The following MYO18A variants were observed in gnomAD, a reference collection of about 807,000 sequenced individuals.
MYO18A encodes myosin XVIIIA.
A neutral mutation model predicts 235.8 loss-of-function variants in MYO18A; 78 were observed. The observed-to-expected ratio is 0.33, with a 90% confidence interval of 0.28 to 0.40. The LOEUF is 0.40. Ranked by LOEUF, MYO18A falls within the 10% of genes least tolerant of loss-of-function variation. The pLI, the probability that MYO18A is intolerant of heterozygous loss-of-function variation, is 1.00. For missense variants in MYO18A, 2,215 were observed against 2,699.3 expected (o/e 0.82, Z 3.98); for synonymous variants, 977 against 1,077.8 (o/e 0.91, Z 1.83).
intron 2 of MYO18A, among the ~76,000 whole-genome samples, chr17:29,147,662 A>G (rs1018932204): frequency 1.3e-5 from 2 of 151,762 alleles, no homozygotes; most frequent in African/African-American, 4.8e-5. Flanking sequence ...AAAACTTTGG[A>G]AGGCAGAGGC....
At chr17:29,143,267 C>CT (rs1042019712) in intron 2 of MYO18A, among the ~76,000 whole-genome samples, 4 of 152,168 alleles carry the variant, frequency 2.6e-5, no homozygotes, top group African/African-American at 9.7e-5. Context: ...AACAAAAGCT[C>CT]TTTTGCCCAG....
chr17:29,120,828 C>G lies in MYO18A; in HGVS notation c.1586-70G>C. Reference sequence around the variant, plus strand: ...GCTTATCCCCCAGCTAGGAGCTACCCCAGAGGTATGAAGGCTTGGGGCCAT... The same window carrying G: ...GCTTATCCCCCAGCTAGGAGCTACCGCAGAGGTATGAAGGCTTGGGGCCAT... On this transcript the variant is annotated intron_variant, in intron 6 of 41. Transcript: ENST00000527372. The surrounding 1 kb of genome is among the most constrained non-coding windows in gnomAD (Gnocchi z 4.2). The G allele has an allele frequency of 6.3e-7, 1 of 1,580,432 alleles. No individual in the cohort carries two copies. Among genetic ancestry groups the G allele is most frequent in the Non-Finnish European group, 8.6e-7 (1 of 1,161,966 alleles).
At chr17:29,081,475 T>TGG (rs1193721682) in intron 41 of MYO18A, among the ~76,000 whole-genome samples, 1 of 151,552 alleles carries the variant, frequency 6.6e-6, no homozygotes, top group African/African-American at 2.4e-5. Flanking sequence ...GAAGGGGCCT[T>TGG]GGGGGAGCTG....
intron 2 of MYO18A, among the ~76,000 whole-genome samples, chr17:29,161,574 T>A (rs1188688043): frequency 6.6e-6 from 1 of 151,858 alleles, no homozygotes; most frequent in African/African-American, 2.4e-5. Context: ...TGGCTCTCCA[T>A]GGCAGGACAA....
chr17:29,088,370 G>A (rs1455265021), intron 37 of MYO18A, among the ~76,000 whole-genome samples: 3 of 152,132 alleles, frequency 2.0e-5, no homozygotes, highest in Admixed American at 1.3e-4. Context: ...AAGTTCTTAA[G>A]TTTCCCCTAA....
chr17:29,133,406 T>C (rs72817628), intron 2 of MYO18A, among the ~76,000 whole-genome samples: 3,971 of 152,286 alleles, frequency 0.026, 68 homozygotes, highest in Non-Finnish European at 0.033. Context: ...TGGCCCCTTG[T>C]CCTCCTAACC....
intron 1 of MYO18A, among the ~76,000 whole-genome samples, chr17:29,177,058 T>C (rs931971748): frequency 3.9e-5 from 6 of 152,316 alleles, no homozygotes; most frequent in African/African-American, 1.4e-4. Context: ...AACATCCCCT[T>C]CCGTGTGACC....
intron 40 of MYO18A, among the ~76,000 whole-genome samples, chr17:29,083,532 G>GCGCA (rs796363036): frequency 6.8e-4 from 99 of 144,746 alleles, no homozygotes; most frequent in African/African-American, 1.3e-3. Context: ...GCGCGCGCGC[G>GCGCA]CACACACACA....
rs1040957963 is a variant in MYO18A, at chr17:29,140,739, C to T, written c.1000-18486G>A. Among the ~76,000 whole-genome samples the T allele has an allele frequency of 6.6e-6, 1 of 151,928 alleles. No individual in the cohort carries two copies. Among genetic ancestry groups the T allele is most frequent in the Non-Finnish European group, 1.5e-5 (1 of 67,966 alleles). ...TAGCAGAGGAATTTGAGACCTGCAG[C>T]CCCCGGCCCCACAGGCCAAGCTTGA... On this transcript the variant is annotated intron_variant, in intron 2 of 41. Transcript: ENST00000527372. The surrounding 1 kb of genome is among the most constrained non-coding windows in gnomAD (Gnocchi z 4.2).
chr17:29,145,090 A>G (rs1052751937), intron 2 of MYO18A, among the ~76,000 whole-genome samples: 4 of 152,250 alleles, frequency 2.6e-5, no homozygotes, highest in Admixed American at 6.5e-5. Context: ...TGCCATGACT[A>G]TACAGCATAA....
intron 2 of MYO18A, among the ~76,000 whole-genome samples, chr17:29,151,592 C>T (rs1000255299): frequency 2.0e-5 from 3 of 152,170 alleles, no homozygotes; most frequent in Non-Finnish European, 4.4e-5. Context: ...GAAGCCAAGA[C>T]TGAATGGAAA....
intron 2 of MYO18A, among the ~76,000 whole-genome samples, chr17:29,130,757 G>C (rs955004116): frequency 2.0e-5 from 3 of 152,160 alleles, no homozygotes; most frequent in African/African-American, 7.2e-5. Flanking sequence ...TTTGGACTTG[G>C]CTATTCAGAA....
At chr17:29,091,033 G>T in intron 34 of MYO18A, 107 bp from the exon 35 acceptor site, 1 of 870,302 alleles carries the variant, frequency 1.1e-6, no homozygotes, top group Non-Finnish European at 1.8e-6. Flanking sequence ...AATGGGCTGA[G>T]CCTGCCTGCT....
At chr17:29,082,934 G>A (rs973467373) in intron 40 of MYO18A, among the ~76,000 whole-genome samples, 5 of 152,132 alleles carry the variant, frequency 3.3e-5, no homozygotes, top group African/African-American at 9.7e-5. Context: ...GAAGGGCTTC[G>A]TAGGATTTGG....
intron 2 of MYO18A, among the ~76,000 whole-genome samples, chr17:29,157,871 G>A (rs1447290871): frequency 2.6e-5 from 4 of 151,892 alleles, no homozygotes; most frequent in Admixed American, 2.6e-4. Flanking sequence ...ACGGCTCACT[G>A]TAGCCCCAAC....
rs371839632 is a variant in MYO18A at position 29,141,445 on chromosome 17, A to G, written c.1000-19192T>C. On this transcript the variant is annotated intron_variant, in intron 2 of 41. Coordinates refer to ENST00000527372, the MANE Select transcript of MYO18A (RefSeq NM_078471.4). ...TCCCTCTTCCTCTTTAGGAAAAAAAAAAAATGGGGTGGGGGTGGTGCTAGG... is the reference window on the plus strand; with the variant it reads ...TCCCTCTTCCTCTTTAGGAAAAAAAGAAAATGGGGTGGGGGTGGTGCTAGG... 4.7e-3 allele frequency among the ~76,000 whole-genome samples: 717 copies of G among 151,902 alleles called. 10 individuals carry two copies. The highest frequency in any genetic ancestry group is 0.016 in the African/African-American group (680 of 41,496).
At chr17:29,171,660 C>G (rs540471343) in intron 1 of MYO18A, among the ~76,000 whole-genome samples, 1 of 151,916 alleles carries the variant, frequency 6.6e-6, no homozygotes, top group Admixed American at 6.6e-5. Flanking sequence ...TTTGGGAGGC[C>G]GAGACGGGCA....
chr17:29,082,173 G>A (rs1189933316), intron 41 of MYO18A, 143 bp downstream of exon 41: 8 of 1,085,188 alleles, frequency 7.4e-6, no homozygotes, highest in Non-Finnish European at 1.1e-5. Context: ...CTGTGCCCAT[G>A]CACATGCCAG....
chr17:29,095,636 A>C (rs1180908625), intron 28 of MYO18A, among the ~76,000 whole-genome samples: 1 of 152,236 alleles, frequency 6.6e-6, no homozygotes, highest in Non-Finnish European at 1.5e-5. Context: ...CAATGGGCAC[A>C]CAGGGGGCCT....
Sources: gnomAD v4.1 joint callset for allele counts (sites outside exome capture counted in the v4.1 genomes callset) on GRCh38, gnomAD v4.1.1 for gene constraint, Gnocchi (gnomAD v3.1) non-coding constraint, MANE v1.5 for transcripts, NCBI Gene and HGNC (gene_info 2026-07-23, HGNC 2026-07-21) for gene names.